The following SDCCAG8 variants were observed in gnomAD, a reference collection of about 807,000 sequenced individuals.
The protein encoded by SDCCAG8 is SHH signaling and ciliogenesis regulator SDCCAG8, also known as serologically defined colon cancer antigen 8.
SDCCAG8 carries 74 observed loss-of-function variants against 101.8 expected under a neutral mutation model. The ratio of observed to expected loss-of-function variants is 0.73; its 90% confidence interval spans 0.60 to 0.88. The LOEUF (loss-of-function observed/expected upper bound fraction) is 0.88. SDCCAG8 is among the 40% of genes least tolerant of loss of function. SDCCAG8 has a pLI of 0.00. For synonymous variants in SDCCAG8, 281 were observed against 292.9 expected (o/e 0.96, Z 0.41); for missense variants, 787 against 822.6 (o/e 0.96, Z 0.53).
intron 16 of SDCCAG8, among the ~76,000 whole-genome samples, chr1:243,477,307 A>G (rs535079653): frequency 6.6e-6 from 1 of 152,250 alleles, no homozygotes; most frequent in South Asian, 2.1e-4. Flanking sequence ...GATTTTCAAC[A>G]ATTTCCATTC....
At chr1:243,259,491 C>A (rs1454773259) in intron 1 of SDCCAG8, among the ~76,000 whole-genome samples, 1 of 151,992 alleles carries the variant, frequency 6.6e-6, no homozygotes, top group African/African-American at 2.4e-5. Flanking sequence ...ATTTGAAGTT[C>A]TAATGTGAAA....
intron 1 of SDCCAG8, among the ~76,000 whole-genome samples, chr1:243,265,812 C>T (rs2067538805): frequency 6.8e-6 from 1 of 148,088 alleles, no homozygotes; most frequent in East Asian, 1.9e-4. Flanking sequence ...GACTTCGTCT[C>T]CAAAAAAAAA....
chr1:243,355,816 C>T (rs1457308319), intron 12 of SDCCAG8, among the ~76,000 whole-genome samples: 2 of 152,028 alleles, frequency 1.3e-5, no homozygotes, highest in Non-Finnish European at 2.9e-5. Context: ...TGCTATGTTG[C>T]CCAGGCTGGT....
chr1:243,307,366 C>G, intron 7 of SDCCAG8: 1 of 976,108 alleles, frequency 1.0e-6, no homozygotes, highest in Non-Finnish European at 1.2e-6. Context: ...CTGGCAAGTT[C>G]TATGTAACTT....
chr1:243,306,965 G>C (rs188756580), intron 7 of SDCCAG8, among the ~76,000 whole-genome samples: 1 of 151,846 alleles, frequency 6.6e-6, no homozygotes, highest in South Asian at 2.1e-4. Flanking sequence ...GCACCTGAGC[G>C]TGGAGACTTT....
intron 12 of SDCCAG8, among the ~76,000 whole-genome samples, chr1:243,350,146 T>A (rs2076001529): frequency 6.6e-6 from 1 of 152,176 alleles, no homozygotes. Context: ...AGTGCATCTA[T>A]ATTGTATGGC....
At chr1:243,487,219 C>T (rs532477842) in intron 16 of SDCCAG8, among the ~76,000 whole-genome samples, 2 of 152,274 alleles carry the variant, frequency 1.3e-5, no homozygotes, top group African/African-American at 4.8e-5. Flanking sequence ...TCCGCTGGCC[C>T]GGGACGTCCT....
At chr1:243,330,406 C>T (rs2074502549) in intron 9 of SDCCAG8, 134 bp from the exon 10 acceptor site, 3 of 816,116 alleles carry the variant, frequency 3.7e-6, no homozygotes, top group Admixed American at 5.2e-5. Context: ...TATTGATAAA[C>T]AATAAAAAAT....
chr1:243,366,305 TTTTTATA>T (rs771178233), intron 12 of SDCCAG8, among the ~76,000 whole-genome samples: 26 of 152,012 alleles, frequency 1.7e-4, no homozygotes, highest in Non-Finnish European at 1.5e-4. Flanking sequence ...TTTAGTGTGG[TTTTTATA>T]TTTAGTCTTG....
chr1:243,496,092 A>G (rs1667784338), intron 17 of SDCCAG8, among the ~76,000 whole-genome samples: 1 of 152,270 alleles, frequency 6.6e-6, no homozygotes, highest in Non-Finnish European at 1.5e-5. Flanking sequence ...CAACAGGATT[A>G]GTGCTGAGAT....
chr1:243,444,709 C>T lies in SDCCAG8; in HGVS notation c.1985+18151C>T, dbSNP rs545986203. ...GATCTAAAGATCTGAAAGAAAGTGGCATTTGTTTCTTTGGGTAATTTATTT... is the reference window on the plus strand; with the variant it reads ...GATCTAAAGATCTGAAAGAAAGTGGTATTTGTTTCTTTGGGTAATTTATTT... On this transcript the variant is annotated intron_variant, in intron 16 of 17. Transcript: ENST00000366541. 2.2e-3 allele frequency among the ~76,000 whole-genome samples: 332 copies of T among 152,248 alleles called. 1 individual carries two copies. Among genetic ancestry groups the T allele is most frequent in the Non-Finnish European group, 3.4e-3 (231 of 68,016 alleles).
At chr1:243,390,024 T>TG (rs1553338149) in intron 13 of SDCCAG8, among the ~76,000 whole-genome samples, 2 of 152,120 alleles carry the variant, frequency 1.3e-5, no homozygotes, top group Non-Finnish European at 2.9e-5. Context: ...AACAAAAAGT[T>TG]GGGGGGAACT....
intron 13 of SDCCAG8, among the ~76,000 whole-genome samples, chr1:243,386,492 A>G (rs2078298912): frequency 1.3e-5 from 2 of 152,172 alleles, no homozygotes; most frequent in Non-Finnish European, 2.9e-5. Context: ...GCGAGAGGTC[A>G]GGAGTAATCC....
chr1:243,420,337 C>T (rs1224343354), intron 15 of SDCCAG8, among the ~76,000 whole-genome samples: 1 of 152,228 alleles, frequency 6.6e-6, no homozygotes, highest in Non-Finnish European at 1.5e-5. Flanking sequence ...GTGCCTAGCA[C>T]AGTGCCTGAC....
Position 243,429,847 on chromosome 1 carries a change from G to A in SDCCAG8, c.1985+3289G>A, listed in dbSNP as rs534206932. ...CTCCGGAGTAGCTGGGATTACAGGCGCCTGCCACCACGCCCAACTAGTTTT... is the reference window on the plus strand; with the variant it reads ...CTCCGGAGTAGCTGGGATTACAGGCACCTGCCACCACGCCCAACTAGTTTT... On this transcript the variant is annotated intron_variant, in intron 16 of 17. Coordinates refer to ENST00000366541, the MANE Select transcript of SDCCAG8 (RefSeq NM_006642.5). Among the ~76,000 whole-genome samples, 88 of 151,906 alleles carry A rather than the reference G, an allele frequency of 5.8e-4. 1 individual carries two copies. Among genetic ancestry groups the A allele is most frequent in the African/African-American group, 2.1e-3 (86 of 41,434 alleles).
At chr1:243,374,370 A>C (rs2077471965) in intron 12 of SDCCAG8, among the ~76,000 whole-genome samples, 1 of 152,094 alleles carries the variant, frequency 6.6e-6, no homozygotes, top group South Asian at 2.1e-4. Flanking sequence ...GGAATGAAAA[A>C]CAGCTCCATT....
chr1:243,402,358 A>G lies in SDCCAG8; in HGVS notation c.1617-13344A>G, dbSNP rs149015073. Among the ~76,000 whole-genome samples the G allele has an allele frequency of 6.6e-3, 967 of 147,080 alleles. 2 individuals carry two copies. The highest frequency in any genetic ancestry group is 0.011 in the Non-Finnish European group (728 of 66,986). On this transcript the variant is annotated intron_variant, in intron 13 of 17. Coordinates refer to ENST00000366541, the MANE Select transcript of SDCCAG8 (RefSeq NM_006642.5). ...GACAGGATAATCGCTTGAACCCGGGAGGCGGAGGTTGCGGTGAGCTGGGCA... is the reference window on the plus strand; with the variant it reads ...GACAGGATAATCGCTTGAACCCGGGGGGCGGAGGTTGCGGTGAGCTGGGCA...
At chr1:243,336,950 C>G (rs897752059) in intron 10 of SDCCAG8, among the ~76,000 whole-genome samples, 1 of 152,008 alleles carries the variant, frequency 6.6e-6, no homozygotes, top group Non-Finnish European at 1.5e-5. Flanking sequence ...TGTAGGTTGT[C>G]TGTTTACTCT....
chr1:243,423,917 A>G (rs1558447926), intron 15 of SDCCAG8, among the ~76,000 whole-genome samples: 1 of 152,096 alleles, frequency 6.6e-6, no homozygotes, highest in East Asian at 1.9e-4. Context: ...TATAGGATTA[A>G]TTGAGATCAT....
Sources: gnomAD v4.1 joint callset for allele counts (sites outside exome capture counted in the v4.1 genomes callset) on GRCh38, gnomAD v4.1.1 for gene constraint, MANE v1.5 for transcripts, NCBI Gene and HGNC (gene_info 2026-07-23, HGNC 2026-07-21) for gene names.